IDE: variants seen among roughly 807,000 people sequenced by gnomAD.
IDE encodes insulin degrading enzyme, also known as insulin-degrading enzyme.
Under a neutral mutation model 133.2 loss-of-function variants are expected in IDE, and 58 were observed. The observed-to-expected ratio is 0.44, with a 90% CI of 0.35 to 0.54. The LOEUF is 0.54. IDE is among the 20% of genes least tolerant of loss of function. The pLI is 0.00. For missense variants in IDE, 981 were observed against 1,234.0 expected (o/e 0.79, Z 3.07); for synonymous variants, 396 against 421.3 (o/e 0.94, Z 0.73).
intron 11 of IDE, among the ~76,000 whole-genome samples, chr10:92,493,103 C>T (rs1320919695): frequency 1.3e-5 from 2 of 152,150 alleles, no homozygotes; most frequent in South Asian, 2.1e-4. Flanking sequence ...TCTATTATTG[C>T]GTCAGAAGGA....
chr10:92,454,738 G>C (rs568393496), intron 24 of IDE, among the ~76,000 whole-genome samples, 199 bp from the exon 25 acceptor site: 2 of 152,036 alleles, frequency 1.3e-5, no homozygotes, highest in Admixed American at 6.6e-5. Context: ...ATGTCTGGAG[G>C]GTCGTGAATT....
chr10:92,505,322 GACAA>G (rs1005564479), intron 10 of IDE, among the ~76,000 whole-genome samples: 1 of 152,072 alleles, frequency 6.6e-6, no homozygotes, highest in Admixed American at 6.6e-5. Flanking sequence ...AAACAAATTA[GACAA>G]ACATTTAGGA....
intron 22 of IDE, among the ~76,000 whole-genome samples, chr10:92,460,094 C>T (rs1490237157): frequency 6.6e-6 from 1 of 152,134 alleles, no homozygotes; most frequent in South Asian, 2.1e-4. Context: ...ACCTTGGCCT[C>T]CCAAAGTGCT....
intron 4 of IDE, among the ~76,000 whole-genome samples, chr10:92,527,875 G>A (rs1849708676): frequency 6.6e-6 from 1 of 152,194 alleles, no homozygotes; most frequent in African/African-American, 2.4e-5. Context: ...AATTAGCTGG[G>A]CGTGGTGGCA....
At chr10:92,541,443 T>C (rs1197625093) in intron 1 of IDE, 1 of 262,802 alleles carries the variant, frequency 3.8e-6, no homozygotes, top group African/African-American at 2.3e-5. Flanking sequence ...CAAGAGTAAT[T>C]TTATTTATGG....
chr10:92,560,195 A>G (rs1843209599), intron 1 of IDE, among the ~76,000 whole-genome samples: 1 of 152,212 alleles, frequency 6.6e-6, no homozygotes, highest in Admixed American at 6.6e-5. Flanking sequence ...GTAAGTACAA[A>G]TAACATATTC....
In IDE at chr10:92,510,110, C is replaced by T. The variant is rs774359693; in HGVS notation, c.837G>A (p.Glu279=). Residue 279 remains glutamate, a synonymous_variant, in exon 6 of 25, where the codon GAG becomes GAA. Transcript: ENST00000265986. The part of the protein sequence containing the change: ...NLVVKLFSEV[E]NKNVPLPEFP... ...ATTCTGGCAATGGAACATTTTTGTTCTCTACTTCAGAAAATAACTTTACCA... is the reference window on the plus strand; with the variant it reads ...ATTCTGGCAATGGAACATTTTTGTTTTCTACTTCAGAAAATAACTTTACCA... 11 of 1,605,862 alleles carry T rather than the reference C, an allele frequency of 6.8e-6. 1 individual carries two copies. Among genetic ancestry groups the T allele is most frequent in the Middle Eastern group, 1.7e-4 (1 of 6,044 alleles).
intron 4 of IDE, among the ~76,000 whole-genome samples, chr10:92,528,733 A>G (rs932461789): frequency 1.3e-5 from 2 of 152,200 alleles, no homozygotes; most frequent in African/African-American, 4.8e-5. Context: ...TGTGGTTTTT[A>G]TTCATTCAAA....
rs1850146504 is a variant in IDE, at chr10:92,534,700, T to G, written c.369A>C (p.Lys123Asn). The change falls in exon 3 of 25, where the codon AAA (lysine) becomes AAC (asparagine). Residue 123 changes from lysine to asparagine, a missense_variant. By Grantham distance (94) the Lys-to-Asn change is moderately conservative (BLOSUM62 0). This residue lies in a region of IDE where 321 missense variants were observed against 339.3 expected (regional missense o/e 0.95). Coordinates refer to ENST00000265986, the MANE Select transcript of IDE (RefSeq NM_004969.4). ...MLFLGTKKYP[K>N]ENEYSQFLSE... Reference sequence around the variant, plus strand: ...TGAGAAACTGGCTGTATTCATTTTCTTTAGGGTATTTCTTTGTTCCCAAAA... The same window carrying G: ...TGAGAAACTGGCTGTATTCATTTTCGTTAGGGTATTTCTTTGTTCCCAAAA... The G allele has an allele frequency of 2.5e-6, 4 of 1,613,638 alleles. No individual in the cohort carries two copies. The Admixed American group carries it at 5.0e-5, about 20-fold the overall frequency.
intron 4 of IDE, among the ~76,000 whole-genome samples, chr10:92,525,178 G>A (rs371318574): frequency 6.6e-5 from 10 of 150,996 alleles, no homozygotes; most frequent in African/African-American, 2.4e-4. Context: ...ACTTGAACCC[G>A]GGAGGCAGAG....
chr10:92,508,101 A>C lies in IDE; in HGVS notation c.1153+12T>G. On this transcript the variant is annotated intron_variant, in intron 8 of 24. Transcript: ENST00000265986. Reference sequence around the variant, plus strand: ...TTTTCATTCAAAAGTAAAAAGGTGAATCAATACTTACATAATCCTTCCTCG... The same window carrying C: ...TTTTCATTCAAAAGTAAAAAGGTGACTCAATACTTACATAATCCTTCCTCG... 1 of 1,569,830 alleles carries C rather than the reference A, an allele frequency of 6.4e-7. No homozygotes were observed. Among genetic ancestry groups the C allele is most frequent in the Non-Finnish European group, 8.7e-7 (1 of 1,144,502 alleles).
intron 11 of IDE, among the ~76,000 whole-genome samples, chr10:92,503,697 T>A (rs906210059): frequency 5.9e-4 from 90 of 151,912 alleles, no homozygotes; most frequent in African/African-American, 2.1e-3. Flanking sequence ...AAGATTCTGA[T>A]AGGATAGTTC....
intron 11 of IDE, among the ~76,000 whole-genome samples, chr10:92,501,075 A>G (rs1390855274): frequency 6.6e-6 from 1 of 151,142 alleles, no homozygotes; most frequent in Non-Finnish European, 1.5e-5. Context: ...AAAAGAAAAA[A>G]AAGGCCAGGT....
Position 92,470,295 on chromosome 10 carries a change from G to A in IDE, c.2167C>T (p.Leu723=). ...CCATGGAGAAGGGCTTCAATGTGCA[G>A]CCGTGACAGGAGCTGAGGTATGAAG... ...KAFIPQLLSR[L]HIEALLHGNI... The change falls in exon 18 of 25, where the codon CTG becomes TTG. Residue 723 remains leucine (L), a synonymous_variant. Transcript: ENST00000265986. 6.2e-7 allele frequency: 1 copy of A among 1,606,050 alleles called. No individual in the cohort carries two copies. The highest frequency in any genetic ancestry group is 8.5e-7 in the Non-Finnish European group (1 of 1,175,812).
chr10:92,550,037 G>A (rs561837820), intron 1 of IDE, among the ~76,000 whole-genome samples: 25 of 152,014 alleles, frequency 1.6e-4, no homozygotes, highest in East Asian at 3.9e-4. Flanking sequence ...GCATGGTGGC[G>A]CATACCTGCA....
chr10:92,568,455 A>G (rs373653125), intron 1 of IDE, among the ~76,000 whole-genome samples: 1 of 152,284 alleles, frequency 6.6e-6, no homozygotes, highest in East Asian at 1.9e-4. Context: ...ACTAAACAAT[A>G]TACTGCTTAA....
intron 6 of IDE, among the ~76,000 whole-genome samples, chr10:92,509,312 G>T (rs976121333): frequency 6.6e-6 from 1 of 152,174 alleles, no homozygotes; most frequent in African/African-American, 2.4e-5. Flanking sequence ...CCACATGGGG[G>T]CCGGGTGCGG....
At position 92,479,437 on chromosome 10, in the gene IDE, G is replaced by T. The variant is rs1363695176; in HGVS notation, c.1740-16C>A. On this transcript the variant is annotated splice_polypyrimidine_tract_variant and intron_variant, in intron 14 of 24. Transcript: ENST00000265986. Reference sequence around the variant, plus strand: ...AGCAAATGGGCTGGAAGAAAATGTTGACAGTAAAATAGCTGATTTTATTAC... The same window carrying T: ...AGCAAATGGGCTGGAAGAAAATGTTTACAGTAAAATAGCTGATTTTATTAC... The T allele has an allele frequency of 2.8e-5, 44 of 1,585,738 alleles. No homozygotes were observed. The highest frequency in any genetic ancestry group is 3.5e-5 in the Non-Finnish European group (40 of 1,157,582).
Position 92,475,870 on chromosome 10 carries a change from T to C in IDE, c.1995+14A>G. 1.0e-6 allele frequency: 1 copy of C among 984,180 alleles called. No homozygotes were observed. Among genetic ancestry groups the C allele is most frequent in the Non-Finnish European group, 1.6e-6 (1 of 639,592 alleles). The allele number at this position is 984,180 out of a possible 1,614,324, so 61.0% of individuals were successfully genotyped here. A position where few individuals can be genotyped will look rare whatever the true frequency, so the allele number is the denominator to read the frequency against. ...TTATCTTATGAATAAAAAAGCAGGG[T>C]TCAGAAAACTTACTGCTTCTTTGAT... On this transcript the variant is annotated intron_variant, in intron 16 of 24. Coordinates refer to ENST00000265986, the MANE Select transcript of IDE (RefSeq NM_004969.4).
Sources: gnomAD v4.1 joint callset for allele counts (sites outside exome capture counted in the v4.1 genomes callset) on GRCh38, gnomAD v4.1.1 for gene constraint, gnomAD v4.1.1 regional missense constraint, MANE v1.5 for transcripts, NCBI Gene and HGNC (gene_info 2026-07-23, HGNC 2026-07-21) for gene names.